Variants in EYS observed in about 807,000 individuals in gnomAD.
EYS encodes the protein protein eyes shut homolog.
EYS carries 250 observed loss-of-function variants against 282.1 expected under a neutral mutation model. The ratio of observed to expected loss-of-function variants is 0.89; its 90% CI spans 0.80 to 0.98. The LOEUF (loss-of-function observed/expected upper bound fraction) is 0.98. Ranked by LOEUF, EYS falls within the 50% of genes least tolerant of loss-of-function variation. EYS has a pLI of 0.00. For synonymous variants in EYS, 1,355 were observed against 1,282.9 expected (o/e 1.06, Z -1.20); for missense variants, 4,016 against 3,709.0 (o/e 1.08, Z -2.15).
rs117875006 is a variant in EYS at position 64,601,505 on chromosome 6, T to C, written c.3685-8196A>G. Reference sequence around the variant, plus strand: ...TATCTCACACATCTACTCAATACAATGTCTTGCTAATTTTTCTTTCATAAC... The same window carrying C: ...TATCTCACACATCTACTCAATACAACGTCTTGCTAATTTTTCTTTCATAAC... On this transcript the variant is annotated intron_variant, in intron 24 of 42. Transcript: ENST00000503581. 3.2e-3 allele frequency among the ~76,000 whole-genome samples: 487 copies of C among 152,140 alleles called. 11 individuals carry two copies. In the East Asian group the frequency reaches 0.054, roughly 17 times the overall value.
intron 35 of EYS, among the ~76,000 whole-genome samples, chr6:63,939,058 T>A (rs777300649): frequency 1.3e-4 from 19 of 151,896 alleles, no homozygotes; most frequent in Non-Finnish European, 2.5e-4. Flanking sequence ...ATAAGCTCCA[T>A]GAATTGGAAC....
intron 29 of EYS, among the ~76,000 whole-genome samples, chr6:64,350,402 A>G (rs1285689613): frequency 1.3e-5 from 2 of 151,610 alleles, no homozygotes; most frequent in African/African-American, 4.8e-5. Flanking sequence ...ATTTCTCTAT[A>G]TTCCAGAGTT....
chr6:64,873,449 A>G (rs953274016), intron 19 of EYS, among the ~76,000 whole-genome samples: 1 of 152,060 alleles, frequency 6.6e-6, no homozygotes, highest in African/African-American at 2.4e-5. Context: ...CCTTTCAAAC[A>G]TGGGAGACAC....
chr6:65,537,321 A>G (rs1424446280), intron 2 of EYS, among the ~76,000 whole-genome samples: 1 of 152,208 alleles, frequency 6.6e-6, no homozygotes, highest in Non-Finnish European at 1.5e-5. Flanking sequence ...AGTTCTGCAC[A>G]TGTATCCCCT....
chr6:65,178,885 C>T (rs1156892721), intron 12 of EYS, among the ~76,000 whole-genome samples: 4 of 152,016 alleles, frequency 2.6e-5, no homozygotes, highest in African/African-American at 9.7e-5. Flanking sequence ...TGCAATCAAA[C>T]TAGAACTCAG....
chr6:65,006,530 A>T (rs761474644), intron 13 of EYS, among the ~76,000 whole-genome samples: 1 of 147,748 alleles, frequency 6.8e-6, no homozygotes, highest in South Asian at 2.1e-4. Flanking sequence ...AAAAGCAAAA[A>T]GGTAGCTTTC....
At chr6:64,023,263 C>T (rs1215921838) in intron 33 of EYS, among the ~76,000 whole-genome samples, 6 of 152,138 alleles carry the variant, frequency 3.9e-5, no homozygotes, top group African/African-American at 1.2e-4. Flanking sequence ...CTCTGTTGAT[C>T]GATACTTCTC....
intron 2 of EYS, among the ~76,000 whole-genome samples, chr6:65,628,806 C>T (rs1043528952): frequency 2.8e-4 from 43 of 152,266 alleles, no homozygotes; most frequent in African/African-American, 9.9e-4. Context: ...ACACTCACCG[C>T]GAGGGTCCGC....
chr6:64,235,127 T>A (rs1766551929), intron 30 of EYS, among the ~76,000 whole-genome samples: 1 of 151,948 alleles, frequency 6.6e-6, no homozygotes, highest in African/African-American at 2.4e-5. Flanking sequence ...TTAGGGTACA[T>A]GTGCACAATG....
chr6:65,481,465 A>G (rs1237569365), intron 5 of EYS, among the ~76,000 whole-genome samples: 2 of 152,202 alleles, frequency 1.3e-5, no homozygotes, highest in East Asian at 3.8e-4. Context: ...ATAATTATCA[A>G]TAATTACTAT....
chr6:63,874,497 T>A lies in EYS; in HGVS notation c.7056-10139A>T, dbSNP rs185467390. On this transcript the variant is annotated intron_variant, in intron 35 of 42. Transcript: ENST00000503581. ...ATGTGGGCTCTTTTTTGGTTCCATA[T>A]AAACTTTAAAGTAGTTTTTTTCCAA... Among the ~76,000 whole-genome samples the A allele has an allele frequency of 1.2e-3, 180 of 152,354 alleles. 2 individuals are homozygous for A. Among genetic ancestry groups the A allele is most frequent in the Admixed American group, 0.011 (162 of 15,302 alleles).
intron 11 of EYS, among the ~76,000 whole-genome samples, chr6:65,318,536 T>A (rs941780426): frequency 5.4e-5 from 8 of 146,794 alleles, no homozygotes; most frequent in African/African-American, 2.0e-4. Flanking sequence ...TATACATATT[T>A]TATATATATA....
rs781068864 is a variant in EYS, at chr6:65,490,715, A to G, written c.749-8T>C. ...TTTCTGAGCAATTCTTTCCTATAAC[A>G]ATGAAAAAAAGTTTTTTTTACATTG... On this transcript the variant is annotated splice_polypyrimidine_tract_variant and splice_region_variant and intron_variant, in intron 4 of 42. Coordinates refer to ENST00000503581, the MANE Select transcript of EYS (RefSeq NM_001142800.2). 1.3e-6 allele frequency: 2 copies of G among 1,594,522 alleles called. No homozygotes were observed. Among genetic ancestry groups the G allele is most frequent in the East Asian group, 2.2e-5 (1 of 44,582 alleles).
intron 26 of EYS, among the ~76,000 whole-genome samples, chr6:64,486,483 T>C (rs1669699028): frequency 6.6e-6 from 1 of 151,436 alleles, no homozygotes; most frequent in African/African-American, 2.4e-5. Flanking sequence ...TCATGGTGTA[T>C]ATAACTCATT....
In EYS at chr6:63,817,587, A is replaced by G. The variant is rs552746245; in HGVS notation, c.7229-11215T>C. Among the ~76,000 whole-genome samples the G allele has an allele frequency of 1.7e-4, 26 of 152,196 alleles. No individual in the cohort carries two copies. In the South Asian group the frequency reaches 5.2e-3, roughly 30 times the overall value. ...CAGGACCTTGCCTTGGTAGGAGAAA[A>G]TGTAGTTTGTACAGGGTGAGAAATG... is the stretch of plus-strand genomic sequence containing the variant. On this transcript the variant is annotated intron_variant, in intron 36 of 42. Transcript: ENST00000503581.
At chr6:64,403,313 C>T (rs898772153) in intron 28 of EYS, among the ~76,000 whole-genome samples, 16 of 151,880 alleles carry the variant, frequency 1.1e-4, no homozygotes, top group African/African-American at 3.9e-4. Flanking sequence ...CAAAATATGT[C>T]TGAAATTTTA....
At chr6:64,789,138 T>G (rs530662402) in intron 22 of EYS, among the ~76,000 whole-genome samples, 2 of 152,220 alleles carry the variant, frequency 1.3e-5, no homozygotes, top group African/African-American at 4.8e-5. Context: ...TCCAGTCTTA[T>G]CCACTTCTAT....
intron 11 of EYS, among the ~76,000 whole-genome samples, chr6:65,322,496 G>T (rs1185858588): frequency 1.3e-5 from 2 of 152,034 alleles, no homozygotes; most frequent in African/African-American, 4.8e-5. Flanking sequence ...GACCAGCAGG[G>T]TGTAAGAAGT....
chr6:65,202,884 T>G (rs1327281095), intron 12 of EYS, among the ~76,000 whole-genome samples: 1 of 152,128 alleles, frequency 6.6e-6, no homozygotes, highest in Non-Finnish European at 1.5e-5. Flanking sequence ...GAGAGGCACC[T>G]CCAACCCTTT....
Sources: gnomAD v4.1 joint callset for allele counts (sites outside exome capture counted in the v4.1 genomes callset) on GRCh38, gnomAD v4.1.1 for gene constraint, MANE v1.5 for transcripts, NCBI Gene and HGNC (gene_info 2026-07-23, HGNC 2026-07-21) for gene names.